Variants in CSMD3 observed in about 807,000 individuals in gnomAD.
CSMD3 encodes CUB and sushi domain-containing protein 3.
In CSMD3, 177 loss-of-function variants were observed where a neutral mutation model predicts 435.2. That is an observed-to-expected ratio of 0.41 (90% confidence interval 0.36 to 0.46). CSMD3 has a LOEUF of 0.46. Among genes scored for constraint, CSMD3 ranks in the 20% least tolerant of loss-of-function variants. The pLI is 0.34. For synonymous variants in CSMD3, 1,656 were observed against 1,520.5 expected, an observed-to-expected ratio of 1.09 and a Z score of -2.07; for missense variants, 4,265 against 4,504.6, an observed-to-expected ratio of 0.95 and a Z score of 1.52.
chr8:112,531,654 A>G (rs761451465), intron 27 of CSMD3, among the ~76,000 whole-genome samples: 44 of 152,134 alleles, frequency 2.9e-4, no homozygotes, highest in Non-Finnish European at 5.6e-4. Context: ...GACTTAGAAT[A>G]CTCTCTAGTA....
rs189758223 is a variant in CSMD3 at position 112,423,899 on chromosome 8, G to A, written c.5396-14867C>T. Among the ~76,000 whole-genome samples the A allele has an allele frequency of 2.6e-5, 4 of 152,076 alleles. No homozygotes were observed. In the East Asian group the frequency reaches 7.7e-4, roughly 29 times the overall value. On this transcript the variant is annotated intron_variant, in intron 32 of 70. Coordinates refer to ENST00000297405, the MANE Select transcript of CSMD3 (RefSeq NM_198123.2). ...GTATTCAAGTTCCATGCGTTGTCTA[G>A]GCCTGGCAGAAGCTGTGAAGTATGG... is the stretch of plus-strand genomic sequence containing the variant.
intron 32 of CSMD3, among the ~76,000 whole-genome samples, chr8:112,469,536 G>C (rs569635939): frequency 6.6e-6 from 1 of 152,084 alleles, no homozygotes; most frequent in Admixed American, 6.5e-5. Flanking sequence ...TCTTCCCATG[G>C]GATGGTTTCA....
chr8:112,255,686 T>C (rs1815720082), intron 61 of CSMD3: 1 of 477,012 alleles, frequency 2.1e-6, no homozygotes, highest in African/African-American at 2.0e-5. Context: ...AAAGAATTTT[T>C]GTACTTTTGT....
At chr8:113,400,987 A>G (rs1318475326) in intron 1 of CSMD3, among the ~76,000 whole-genome samples, 1 of 151,858 alleles carries the variant, frequency 6.6e-6, no homozygotes, top group East Asian at 1.9e-4. Context: ...AGAGATAAAG[A>G]AACTAAATAG....
intron 32 of CSMD3, among the ~76,000 whole-genome samples, chr8:112,422,613 A>G (rs552565676): frequency 1.0e-3 from 154 of 152,282 alleles, no homozygotes; most frequent in African/African-American, 2.8e-3. Context: ...GCAAAATAAT[A>G]CCCACTCCTT....
At chr8:112,305,287 T>C (rs1292292019) in intron 51 of CSMD3, among the ~76,000 whole-genome samples, 1 of 152,154 alleles carries the variant, frequency 6.6e-6, no homozygotes, top group Non-Finnish European at 1.5e-5. Context: ...CAACTTTAGC[T>C]AATTCAAAAC....
chr8:113,404,833 T>C (rs2094525539), intron 1 of CSMD3, among the ~76,000 whole-genome samples: 1 of 151,436 alleles, frequency 6.6e-6, no homozygotes, highest in Non-Finnish European at 1.5e-5. Context: ...AATTAAGAAA[T>C]TATTTTCCTA....
chr8:112,690,665 T>G lies in CSMD3; in HGVS notation c.1973-615A>C, dbSNP rs80106714. Among the ~76,000 whole-genome samples, 989 of 150,914 alleles carry G rather than the reference T, an allele frequency of 6.6e-3. 7 individuals are homozygous for G. The highest frequency in any genetic ancestry group is 0.011 in the Non-Finnish European group (762 of 67,606). ...ATTCCAAATTACTCAGCTATGTTCC[T>G]TAATAAATGTTTCTTGGATGAGTGG... On this transcript the variant is annotated intron_variant, in intron 13 of 70. Coordinates refer to ENST00000297405, the MANE Select transcript of CSMD3 (RefSeq NM_198123.2).
chr8:113,092,298 T>C (rs1039796259), intron 5 of CSMD3, among the ~76,000 whole-genome samples: 1 of 152,068 alleles, frequency 6.6e-6, no homozygotes, highest in Non-Finnish European at 1.5e-5. Context: ...AGTATAGACA[T>C]AAACATAAAC....
At chr8:112,550,114 T>A (rs1432851585) in intron 27 of CSMD3, among the ~76,000 whole-genome samples, 2 of 151,938 alleles carry the variant, frequency 1.3e-5, no homozygotes, top group African/African-American at 4.8e-5. Flanking sequence ...AAGAAAAAAA[T>A]TAGCAAGACA....
chr8:112,601,334 G>C (rs1256375083), intron 22 of CSMD3, among the ~76,000 whole-genome samples: 1 of 151,940 alleles, frequency 6.6e-6, no homozygotes, highest in East Asian at 1.9e-4. Flanking sequence ...AAATGTGAGT[G>C]GTGGAATAAG....
chr8:113,110,918 C>G (rs889645794), intron 4 of CSMD3, among the ~76,000 whole-genome samples: 1 of 152,122 alleles, frequency 6.6e-6, no homozygotes, highest in Non-Finnish European at 1.5e-5. Flanking sequence ...CTTTGTGGTT[C>G]AGAGATGGTG....
chr8:112,383,542 A>G, intron 37 of CSMD3, 25 bp downstream of exon 37: 1 of 1,217,056 alleles, frequency 8.2e-7, no homozygotes, highest in South Asian at 1.2e-5. Flanking sequence ...TCTGTATTTT[A>G]ATTAAGCTCA....
At chr8:112,471,955 C>G (rs370056343) in intron 32 of CSMD3, among the ~76,000 whole-genome samples, 10 of 152,240 alleles carry the variant, frequency 6.6e-5, no homozygotes, top group South Asian at 6.2e-4. Context: ...ATCTCAGAAC[C>G]AAAACCTTTA....
At chr8:112,293,045 G>A (rs542247212) in intron 54 of CSMD3, among the ~76,000 whole-genome samples, 20 of 152,090 alleles carry the variant, frequency 1.3e-4, no homozygotes, top group Admixed American at 1.2e-3. Context: ...GTATTGAAAT[G>A]CAAAGAAATC....
chr8:112,734,558 T>G (rs1235933103), intron 13 of CSMD3, among the ~76,000 whole-genome samples: 1 of 151,998 alleles, frequency 6.6e-6, no homozygotes, highest in Non-Finnish European at 1.5e-5. Context: ...ATAACATTAG[T>G]TCTTCTAATC....
At chr8:113,173,602 G>C in intron 4 of CSMD3, 120 bp downstream of exon 4, 1 of 821,402 alleles carries the variant, frequency 1.2e-6, no homozygotes. Flanking sequence ...GATTACAGGC[G>C]TGAGTCACCA....
At position 112,928,770 on chromosome 8, in the gene CSMD3, C is replaced by A. The variant is rs111509739; in HGVS notation, c.1509-7019G>T. ...CATACATGTGCATGTGTCTTTATAG[C>A]AGCATGATTTATAGTCCTTTGGGTA... is the stretch of plus-strand genomic sequence containing the variant. On this transcript the variant is annotated intron_variant, in intron 9 of 70. Transcript: ENST00000297405. Among the ~76,000 whole-genome samples the A allele has an allele frequency of 4.7e-3, 702 of 150,138 alleles. 4 individuals are homozygous for A. The highest frequency in any genetic ancestry group is 0.016 in the African/African-American group (650 of 41,116).
intron 1 of CSMD3, among the ~76,000 whole-genome samples, chr8:113,327,707 T>C (rs186631038): frequency 9.2e-5 from 14 of 152,200 alleles, no homozygotes; most frequent in Admixed American, 3.9e-4. Flanking sequence ...CACATGTTGC[T>C]GTTATTTGGC....
Sources: allele counts gnomAD v4.1 joint callset (sites outside exome capture counted in the v4.1 genomes callset), GRCh38; gene constraint gnomAD v4.1.1; transcripts MANE v1.5; gene names NCBI Gene and HGNC (gene_info 2026-07-23, HGNC 2026-07-21).